The following KLK9 variants were observed in gnomAD, a reference collection of about 807,000 sequenced individuals.
The protein encoded by KLK9 is kallikrein related peptidase 9.
In KLK9, 26 loss-of-function variants were observed where a neutral mutation model predicts 23.3. The observed-to-expected ratio is 1.12, with a 90% CI of 0.82 to 1.55. KLK9 has a LOEUF of 1.55. KLK9 is among the 40% of genes most tolerant of loss of function. The pLI is 0.00. For synonymous variants in KLK9, 122 were observed against 128.5 expected, an observed-to-expected ratio of 0.95 and a Z score of 0.34; for missense variants, 346 against 333.7, an observed-to-expected ratio of 1.04 and a Z score of -0.29.
Position 51,003,832 on chromosome 19 carries a change from G to A in KLK9, c.475C>T (p.Pro159Ser), listed in dbSNP as rs1191283665. ...ATGTTGGCACACTGCAGTGTGACTG[G>A]AAACAGCGCTGTCAGGGAAGAGAAC... ...GAVSSPKALF[P>S]VTLQCANISI... is the part of the protein sequence containing the mutation. Residue 159 changes from proline to serine, a missense_variant, in exon 4 of 5, where the codon CCA becomes TCA. By Grantham distance (74) the Pro-to-Ser change is moderately conservative. Coordinates refer to ENST00000594211, the MANE Select transcript of KLK9 (RefSeq NM_012315.2). 6.2e-7 allele frequency: 1 copy of A among 1,613,912 alleles called. No homozygotes were observed. The highest frequency in any genetic ancestry group is 1.3e-5 in the African/African-American group (1 of 75,034).
In KLK9 at chr19:51,006,446, G is replaced by A; in HGVS notation, c.466+12C>T. ...GAGCAAGTTTCAGAGAGAGTTCTGGGCCAGGTCATACCCTTGGGGCTGGAC... is the reference window on the plus strand; with the variant it reads ...GAGCAAGTTTCAGAGAGAGTTCTGGACCAGGTCATACCCTTGGGGCTGGAC... On this transcript the variant is annotated intron_variant, in intron 3 of 4. Coordinates refer to ENST00000594211, the MANE Select transcript of KLK9 (RefSeq NM_012315.2). This position sits in a 1 kb window ranked among gnomAD's most constrained non-coding sequence, Gnocchi z 4.1. 1.9e-6 allele frequency: 3 copies of A among 1,597,610 alleles called. No individual in the cohort carries two copies. Among genetic ancestry groups the A allele is most frequent in the Non-Finnish European group, 2.6e-6 (3 of 1,170,446 alleles).
chr19:51,005,314 A>G (rs774603879), intron 3 of KLK9, among the ~76,000 whole-genome samples: 1 of 152,164 alleles, frequency 6.6e-6, no homozygotes, highest in Non-Finnish European at 1.5e-5. Flanking sequence ...TCACACTTGT[A>G]ATCTCAGCAC....
At chr19:51,007,494 T>A (rs972032794) in intron 2 of KLK9, among the ~76,000 whole-genome samples, 2 of 151,876 alleles carry the variant, frequency 1.3e-5, no homozygotes, top group Non-Finnish European at 2.9e-5. Flanking sequence ...CTGTCTTGGC[T>A]CTGGATCTGG....
chr19:51,007,243 T>G (rs2091259365), intron 2 of KLK9, among the ~76,000 whole-genome samples: 1 of 151,942 alleles, frequency 6.6e-6, no homozygotes, highest in Non-Finnish European at 1.5e-5. Flanking sequence ...CAGCTTTTCC[T>G]GTCTATCATA....
chr19:51,002,542 T>C lies in KLK9; in HGVS notation c.*569A>G, dbSNP rs941673456. 1.3e-5 allele frequency: 2 copies of C among 152,542 alleles called. No individual in the cohort carries two copies. The highest frequency in any genetic ancestry group is 4.8e-5 in the African/African-American group (2 of 41,568). The allele number at this position is 152,542 out of a possible 1,614,324, so 9.4% of individuals were successfully genotyped here. On this transcript the variant is annotated 3_prime_UTR_variant, in exon 5 of 5. Coordinates refer to ENST00000594211, the MANE Select transcript of KLK9 (RefSeq NM_012315.2). Reference sequence around the variant, plus strand: ...GTTTCCCGCGTTTACTGAAAAATCATCCGTTGCATTGGCTCTAAAGGTATC... The same window carrying C: ...GTTTCCCGCGTTTACTGAAAAATCACCCGTTGCATTGGCTCTAAAGGTATC...
intron 4 of KLK9, 109 bp downstream of exon 4, chr19:51,003,587 GGTATCCCA>G (rs2091243827): frequency 1.1e-6 from 1 of 909,042 alleles, no homozygotes; most frequent in African/African-American, 1.7e-5. Context: ...CCAGGAACCA[GGTATCCCA>G]GTCTCCTTCT....
rs570185388 is a variant in KLK9, at chr19:51,009,417, A to G, written c.44-78T>C. 1 of 1,550,254 alleles carries G rather than the reference A, an allele frequency of 6.5e-7. No homozygotes were observed. Among genetic ancestry groups the G allele is most frequent in the African/African-American group, 1.4e-5 (1 of 73,776 alleles). On this transcript the variant is annotated intron_variant, in intron 1 of 4. Coordinates refer to ENST00000594211, the MANE Select transcript of KLK9 (RefSeq NM_012315.2). The surrounding 1 kb of genome is among the most constrained non-coding windows in gnomAD (Gnocchi z 4.8). ...AGGGAGAGGATGCTGAGAAGCCTAG[A>G]GGGCAGGAGGCAGAAGCCTGGGATG... is the stretch of plus-strand genomic sequence containing the variant.
chr19:51,003,009 G>A lies in KLK9; in HGVS notation c.*102C>T. On this transcript the variant is annotated 3_prime_UTR_variant, in exon 5 of 5. Coordinates refer to ENST00000594211, the MANE Select transcript of KLK9 (RefSeq NM_012315.2). ...CAGAGGGGAGTCAGGGCAGCTGGAGGTCCAGGGCGGGAACCATTGAGGCTG... is the reference window on the plus strand; with the variant it reads ...CAGAGGGGAGTCAGGGCAGCTGGAGATCCAGGGCGGGAACCATTGAGGCTG... 7.2e-7 allele frequency: 1 copy of A among 1,386,668 alleles called. No individual in the cohort carries two copies. Among genetic ancestry groups the A allele is most frequent in the Non-Finnish European group, 9.7e-7 (1 of 1,031,612 alleles). 85.9% of individuals were successfully genotyped at this position (1,386,668 alleles called of 1,614,324 possible). A position where few individuals can be genotyped will look rare whatever the true frequency, so the allele number is the denominator to read the frequency against.
rs772345573 is a variant in KLK9 at position 51,009,330 on chromosome 19, C to T, written c.53G>A (p.Trp18Ter). 4 of 1,583,832 alleles carry T rather than the reference C, an allele frequency of 2.5e-6. No homozygotes were observed. Among genetic ancestry groups the T allele is most frequent in the Non-Finnish European group, 2.6e-6 (3 of 1,164,462 alleles). ...ALLSLLAGHGWADTRAIGAEE... is the reference protein window; with the variant it reads ...ALLSLLAGHG ...GGCCCCGATGGCACGGGTGTCTGCC[C>T]AGCCATGCCCTGGGGTGGGGATGAG... The change falls in exon 2 of 5, where the codon TGG becomes TAG. Residue 18 changes from tryptophan (W) to a stop codon, truncating the protein, a stop_gained. Coordinates refer to ENST00000594211, the MANE Select transcript of KLK9 (RefSeq NM_012315.2). LOFTEE classifies it high-confidence loss of function. The surrounding 1 kb of genome is among the most constrained non-coding windows in gnomAD (Gnocchi z 4.8).
At chr19:51,004,063 G>A (rs1030910207) in intron 3 of KLK9, among the ~76,000 whole-genome samples, 1 of 152,044 alleles carries the variant, frequency 6.6e-6, no homozygotes. Context: ...GAGGCTGGCC[G>A]GGCACCGTGG....
rs2091240097 is a variant in KLK9, at chr19:51,003,057, C to A, written c.*54G>T. 1.3e-6 allele frequency: 2 copies of A among 1,564,958 alleles called. No individual in the cohort carries two copies. Among genetic ancestry groups the A allele is most frequent in the East Asian group, 2.3e-5 (1 of 44,210 alleles). ...CTGGGACCCTACGAGAACCCCCTAC[C>A]CCGTGCCCTTCGGCCTCTCTTGGTC... On this transcript the variant is annotated 3_prime_UTR_variant, in exon 5 of 5. Transcript: ENST00000594211.
Position 51,006,751 on chromosome 19 carries a change from C to G in KLK9, c.201-28G>C. ...GCTGGGACAGGCCTCAGAGGTCAAG[C>G]TGGGGGAAAGGTAAAAGTCCTTTCA... On this transcript the variant is annotated intron_variant, in intron 2 of 4. Coordinates refer to ENST00000594211, the MANE Select transcript of KLK9 (RefSeq NM_012315.2). The surrounding 1 kb of genome is among the most constrained non-coding windows in gnomAD (Gnocchi z 4.1). 3 of 1,536,294 alleles carry G rather than the reference C, an allele frequency of 2.0e-6. No individual in the cohort carries two copies. The highest frequency in any genetic ancestry group is 2.6e-6 in the Non-Finnish European group (3 of 1,140,780).
intron 2 of KLK9, among the ~76,000 whole-genome samples, chr19:51,007,995 T>A (rs2091261964): frequency 6.6e-6 from 1 of 151,970 alleles, no homozygotes; most frequent in Non-Finnish European, 1.5e-5. Flanking sequence ...CTGAATTAAA[T>A]CTAAGATTTG....
At position 51,003,050 on chromosome 19, in the gene KLK9, C is replaced by T; in HGVS notation, c.*61G>A. The T allele has an allele frequency of 1.3e-6, 2 of 1,553,830 alleles. 1 individual carries two copies. The highest frequency in any genetic ancestry group is 4.7e-4 in the Middle Eastern group (2 of 4,220). ...ATTGAGGCTGGGACCCTACGAGAACCCCCTACCCCGTGCCCTTCGGCCTCT... is the reference window on the plus strand; with the variant it reads ...ATTGAGGCTGGGACCCTACGAGAACTCCCTACCCCGTGCCCTTCGGCCTCT... On this transcript the variant is annotated 3_prime_UTR_variant, in exon 5 of 5. Coordinates refer to ENST00000594211, the MANE Select transcript of KLK9 (RefSeq NM_012315.2).
chr19:51,005,066 T>C (rs1316472061), intron 3 of KLK9, among the ~76,000 whole-genome samples: 1 of 152,136 alleles, frequency 6.6e-6, no homozygotes, highest in African/African-American at 2.4e-5. Flanking sequence ...GCCCAATGCT[T>C]GCTATTTTGG....
At position 51,006,291 on chromosome 19, in the gene KLK9, A is replaced by G. The variant is rs1387777962; in HGVS notation, c.466+167T>C. 2.0e-5 allele frequency among the ~76,000 whole-genome samples: 3 copies of G among 151,732 alleles called. No homozygotes were observed. Among genetic ancestry groups the G allele is most frequent in the Non-Finnish European group, 4.4e-5 (3 of 67,890 alleles). ...TCTTCGCAGTTCATGAAATAATGGC[A>G]CATCTTAAAAATGCTAGCATCTTAT... On this transcript the variant is annotated intron_variant, in intron 3 of 4. Coordinates refer to ENST00000594211, the MANE Select transcript of KLK9 (RefSeq NM_012315.2). This position sits in a 1 kb window ranked among gnomAD's most constrained non-coding sequence, Gnocchi z 4.1.
At chr19:51,004,062 C>T (rs373291462) in intron 3 of KLK9, among the ~76,000 whole-genome samples, 3 of 152,088 alleles carry the variant, frequency 2.0e-5, no homozygotes, top group African/African-American at 7.2e-5. Flanking sequence ...AGAGGCTGGC[C>T]GGGCACCGTG....
At chr19:51,008,937 C>T (rs1049475133) in intron 2 of KLK9, among the ~76,000 whole-genome samples, 6 of 152,128 alleles carry the variant, frequency 3.9e-5, no homozygotes, top group Non-Finnish European at 7.3e-5. Flanking sequence ...TAGGATTCTA[C>T]GATTCTGGAT....
rs2091266375 is a variant in KLK9 at position 51,009,119 on chromosome 19, C to T, written c.200+64G>A. Reference sequence around the variant, plus strand: ...GCTCCGCACTTCTGGCCTAAAGCACCCCTCACCCTCTCCTGACCCCCAGCC... The same window carrying T: ...GCTCCGCACTTCTGGCCTAAAGCACTCCTCACCCTCTCCTGACCCCCAGCC... On this transcript the variant is annotated intron_variant, in intron 2 of 4. Transcript: ENST00000594211. This position sits in a 1 kb window ranked among gnomAD's most constrained non-coding sequence, Gnocchi z 4.8. 4 of 1,541,886 alleles carry T rather than the reference C, an allele frequency of 2.6e-6. No individual in the cohort carries two copies. Among genetic ancestry groups the T allele is most frequent in the Non-Finnish European group, 2.6e-6 (3 of 1,147,786 alleles).
Sources: gnomAD v4.1 joint callset for allele counts (sites outside exome capture counted in the v4.1 genomes callset) on GRCh38, gnomAD v4.1.1 for gene constraint, Gnocchi (gnomAD v3.1) non-coding constraint, MANE v1.5 for transcripts, NCBI Gene and HGNC (gene_info 2026-07-23, HGNC 2026-07-21) for gene names.